MAS1: variants seen among roughly 807,000 people sequenced by gnomAD.
The protein encoded by MAS1 is proto-oncogene Mas.
For synonymous variants in MAS1, 163 were observed against 164.2 expected, an observed-to-expected ratio of 0.99 and a Z score of 0.05; for missense variants, 387 against 409.7, an observed-to-expected ratio of 0.94 and a Z score of 0.48.
Position 159,906,272 on chromosome 6 carries a change from C to T in MAS1, c.-36-648C>T, listed in dbSNP as rs1025657390. 3.9e-5 allele frequency among the ~76,000 whole-genome samples: 6 copies of T among 152,296 alleles called. No individual in the cohort carries two copies. In the South Asian group the frequency reaches 1.2e-3, roughly 32 times the overall value. ...CTCCATCCAGTCCACACATCAATGG[C>T]TTGCCTGGCTTACGTAGTCTGAGCA... On this transcript the variant is annotated intron_variant, in intron 2 of 2. Transcript: ENST00000674077.
intron 1 of MAS1, among the ~76,000 whole-genome samples, chr6:159,894,299 G>A (rs1344889752): frequency 6.6e-6 from 1 of 151,706 alleles, no homozygotes; most frequent in Non-Finnish European, 1.5e-5. Context: ...GGTGCCTGTA[G>A]TCCCAGCTAC....
rs572158932 is a variant in MAS1 at position 159,891,038 on chromosome 6, G to A, written c.-339G>A. Among the ~76,000 whole-genome samples the A allele has an allele frequency of 3.3e-5, 5 of 152,174 alleles. No homozygotes were observed. Among genetic ancestry groups the A allele is most frequent in the Non-Finnish European group, 5.9e-5 (4 of 68,020 alleles). ...AGCCATCCTTCGAGATGTTGGGACC[G>A]GAGACCCTGCAGGCTGGCTGGGCAT... On this transcript the variant is annotated 5_prime_UTR_variant, in exon 1 of 3. Transcript: ENST00000674077.
intron 1 of MAS1, among the ~76,000 whole-genome samples, chr6:159,895,552 A>T (rs1782746025): frequency 6.6e-6 from 1 of 152,262 alleles, no homozygotes. Context: ...TTGCAGTTCA[A>T]TAAAAGAAAT....
chr6:159,893,052 A>G (rs1782718303), intron 1 of MAS1, among the ~76,000 whole-genome samples: 2 of 152,206 alleles, frequency 1.3e-5, no homozygotes, highest in African/African-American at 4.8e-5. Flanking sequence ...TCTGCACTGT[A>G]CTTTGATCAA....
Position 159,891,421 on chromosome 6 carries a change from C to T in MAS1, c.-244+288C>T, listed in dbSNP as rs540158294. Among the ~76,000 whole-genome samples the T allele has an allele frequency of 3.3e-5, 5 of 152,218 alleles. No individual in the cohort carries two copies. The South Asian group carries it at 6.2e-4, about 19-fold the overall frequency. On this transcript the variant is annotated intron_variant, in intron 1 of 2. Coordinates refer to ENST00000674077, the MANE Select transcript of MAS1 (RefSeq NM_002377.4). Reference sequence around the variant, plus strand: ...CGCAGTAGCGTTTTCTTTTTTAACTCGTTGCAGGGGAAAGAATCTTAGGAT... The same window carrying T: ...CGCAGTAGCGTTTTCTTTTTTAACTTGTTGCAGGGGAAAGAATCTTAGGAT...
chr6:159,917,145 C>CAAACCTGATGGATGAGATTGGTGT lies in MAS1; in HGVS notation c.*9212_*9213insAAACCTGATGGATGAGATTGGTGT, dbSNP rs1783037458. On this transcript the variant is annotated 3_prime_UTR_variant, in exon 3 of 3. Coordinates refer to ENST00000674077, the MANE Select transcript of MAS1 (RefSeq NM_002377.4). ...CACGTCCATTTGACAATCCTGACCTCGGTGGTGGCAAATCTTCCTTGTTTC... is the reference window on the plus strand; with the variant it reads ...CACGTCCATTTGACAATCCTGACCTCAAACCTGATGGATGAGATTGGTGTGGTGGTGGCAAATCTTCCTTGTTTC... Among the ~76,000 whole-genome samples, 1 of 152,118 alleles carries CAAACCTGATGGATGAGATTGGTGT rather than the reference C, an allele frequency of 6.6e-6. No homozygotes were observed. Among genetic ancestry groups the CAAACCTGATGGATGAGATTGGTGT allele is most frequent in the Non-Finnish European group, 1.5e-5 (1 of 68,030 alleles).
At chr6:159,906,717 C>A (rs894489014) in intron 2 of MAS1, 5 of 468,176 alleles carry the variant, frequency 1.1e-5, no homozygotes, top group Non-Finnish European at 3.8e-6. Flanking sequence ...TCAATCAGTT[C>A]TCAGTCTTAT....
intron 1 of MAS1, among the ~76,000 whole-genome samples, chr6:159,891,887 C>T (rs925182517): frequency 6.6e-6 from 1 of 152,128 alleles, no homozygotes; most frequent in Non-Finnish European, 1.5e-5. Context: ...GGCCTCGGCA[C>T]TACTGGCATT....
intron 1 of MAS1, among the ~76,000 whole-genome samples, chr6:159,893,304 C>T (rs570125864): frequency 2.5e-4 from 38 of 152,284 alleles, no homozygotes; most frequent in African/African-American, 8.7e-4. Context: ...CAGTGCTGGG[C>T]AGGGCAGGAT....
In MAS1 at chr6:159,910,870, G is replaced by A. The variant is rs929038284; in HGVS notation, c.*2937G>A. On this transcript the variant is annotated 3_prime_UTR_variant, in exon 3 of 3. Coordinates refer to ENST00000674077, the MANE Select transcript of MAS1 (RefSeq NM_002377.4). ...CATCATAGAGAGATTGGTCCAGATA[G>A]GAAGGTGAGTAACTTCCACAGTGTC... 5 of 152,240 alleles carry A rather than the reference G, an allele frequency of 3.3e-5. No homozygotes were observed. Among genetic ancestry groups the A allele is most frequent in the African/African-American group, 1.2e-4 (5 of 41,442 alleles). The allele number at this position is 152,240 out of a possible 1,614,324, so 9.4% of individuals were successfully genotyped here.
upstream of MAS1, among the ~76,000 whole-genome samples, chr6:159,889,272 T>TGA (rs549844289): frequency 4.9e-4 from 74 of 152,338 alleles, no homozygotes; most frequent in Non-Finnish European, 9.7e-4. Flanking sequence ...AGCAAATTGG[T>TGA]GAGGACCTCT....
chr6:159,902,746 C>T (rs536197902), intron 2 of MAS1, among the ~76,000 whole-genome samples: 1 of 152,254 alleles, frequency 6.6e-6, no homozygotes, highest in East Asian at 1.9e-4. Flanking sequence ...AAACACCAGT[C>T]TCTGAAGTGC....
rs1289736525 is a variant in MAS1 at position 159,910,159 on chromosome 6, G to A, written c.*2226G>A. 1 of 152,244 alleles carries A rather than the reference G, an allele frequency of 6.6e-6. No homozygotes were observed. Among genetic ancestry groups the A allele is most frequent in the Non-Finnish European group, 1.5e-5 (1 of 68,038 alleles). The allele number at this position is 152,244 out of a possible 1,614,324, so 9.4% of individuals were successfully genotyped here. A position where few individuals can be genotyped will look rare whatever the true frequency, so the allele number is the denominator to read the frequency against. On this transcript the variant is annotated 3_prime_UTR_variant, in exon 3 of 3. Transcript: ENST00000674077. ...CCACTTCCGAGAATTCCTTGGGGAT[G>A]GGGAGGAGATTGTTTGGATAATGCC...
At chr6:159,900,792 T>C (rs549233965) in intron 2 of MAS1, among the ~76,000 whole-genome samples, 1 of 152,326 alleles carries the variant, frequency 6.6e-6, no homozygotes, top group Non-Finnish European at 1.5e-5. Flanking sequence ...TATAATGGGC[T>C]TTATTTCTTG....
Position 159,908,896 on chromosome 6 carries a change from A to G in MAS1, c.*963A>G, listed in dbSNP as rs900344492. 1 of 151,134 alleles carries G rather than the reference A, an allele frequency of 6.6e-6. No individual in the cohort carries two copies. Among genetic ancestry groups the G allele is most frequent in the Non-Finnish European group, 1.5e-5 (1 of 67,892 alleles). 9.4% of individuals were successfully genotyped at this position (151,134 alleles called of 1,614,324 possible). A position where few individuals can be genotyped will look rare whatever the true frequency, so the allele number is the denominator to read the frequency against. On this transcript the variant is annotated 3_prime_UTR_variant, in exon 3 of 3. Coordinates refer to ENST00000674077, the MANE Select transcript of MAS1 (RefSeq NM_002377.4). ...ACTGGGACCTTCCTCCCCCATGAAG[A>G]GGTGGGTTATTTGTAGCCAGAGTTC...
chr6:159,889,131 A>G (rs1412974074), upstream of MAS1, among the ~76,000 whole-genome samples: 1 of 152,084 alleles, frequency 6.6e-6, no homozygotes, highest in Non-Finnish European at 1.5e-5. Context: ...CTCCCTACCT[A>G]GAAGCCATCG....
upstream of MAS1, among the ~76,000 whole-genome samples, chr6:159,890,333 A>C (rs1389137159): frequency 6.6e-6 from 1 of 152,224 alleles, no homozygotes; most frequent in East Asian, 1.9e-4. Context: ...TGCACGGGTG[A>C]GAGTTGGCAT....
rs748896741 is a variant in MAS1, at chr6:159,907,022, G to A, written c.67G>A (p.Ala23Thr). 45 of 1,613,518 alleles carry A rather than the reference G, an allele frequency of 2.8e-5. No individual in the cohort carries two copies. The East Asian group carries it at 4.7e-4, about 17-fold the overall frequency. ...CACGAACATCTCAACTGGCAGGAAC[G>A]CCTCAGTCGGGAATGCACATCGGCA... ...EPTNISTGRN[A>T]SVGNAHRQIP... The change falls in exon 3 of 3, where the codon GCC becomes ACC. Residue 23 changes from alanine (A) to threonine (T), a missense_variant. Transcript: ENST00000674077.
Position 159,900,410 on chromosome 6 carries a change from G to A in MAS1, c.-37+1018G>A, listed in dbSNP as rs746079481. Among the ~76,000 whole-genome samples, 4 of 152,326 alleles carry A rather than the reference G, an allele frequency of 2.6e-5. No homozygotes were observed. In the South Asian group the frequency reaches 8.3e-4, roughly 32 times the overall value. On this transcript the variant is annotated intron_variant, in intron 2 of 2. Transcript: ENST00000674077. Reference sequence around the variant, plus strand: ...GGGGAGGAAAGGGCTAGGGTGACGAGCACGTAGGGCCGGCTGTTGTCAAGG... The same window carrying A: ...GGGGAGGAAAGGGCTAGGGTGACGAACACGTAGGGCCGGCTGTTGTCAAGG...
Sources: gnomAD v4.1 joint callset for allele counts (sites outside exome capture counted in the v4.1 genomes callset) on GRCh38, gnomAD v4.1.1 for gene constraint, MANE v1.5 for transcripts, NCBI Gene and HGNC (gene_info 2026-07-23, HGNC 2026-07-21) for gene names.